Variants in RADX observed in about 807,000 individuals in gnomAD.
RADX encodes RPA-related protein RADX.
A neutral mutation model predicts 61.6 loss-of-function variants in RADX; 36 were observed. The observed-to-expected ratio is 0.58, with a 90% confidence interval of 0.45 to 0.77. The LOEUF is 0.77. Ranked by LOEUF, RADX falls within the 30% of genes least tolerant of loss-of-function variation. RADX has a pLI of 0.00. For missense variants in RADX, 497 were observed against 651.1 expected (o/e 0.76, Z 2.58); for synonymous variants, 272 against 237.9 (o/e 1.14, Z -1.32).
intron 9 of RADX, chrX:106,640,342 G>T: frequency 3.2e-6 from 1 of 316,172 alleles, no homozygotes. Flanking sequence ...TCAGATAGTA[G>T]TATAAGAAGG....
intron 3 of RADX, among the ~76,000 whole-genome samples, chrX:106,631,803 AAGAAAGAAAG>A (rs1223223564): frequency 5.6e-5 from 6 of 107,761 alleles, no homozygotes; most frequent in Non-Finnish European, 9.6e-5. Context: ...AGAAAGAAAG[AAGAAAGAAAG>A]AGAAAGAAAG....
intron 1 of RADX, among the ~76,000 whole-genome samples, chrX:106,617,191 A>G (rs919842814): frequency 1.5e-4 from 16 of 107,740 alleles, no homozygotes; most frequent in Middle Eastern, 9.3e-3. Flanking sequence ...ACACCTGGCT[A>G]ACTTTTGTAT....
At chrX:106,613,786 G>T (rs770619906) in intron 1 of RADX, among the ~76,000 whole-genome samples, 39 of 111,841 alleles carry the variant, frequency 3.5e-4, no homozygotes, top group African/African-American at 1.2e-3. Context: ...GCTATTTCAG[G>T]GATGAAAAAA....
At chrX:106,649,093 G>C (rs1927733652) in intron 11 of RADX, among the ~76,000 whole-genome samples, 2 of 110,974 alleles carry the variant, frequency 1.8e-5, no homozygotes, top group African/African-American at 6.5e-5. Flanking sequence ...AGAAACATCT[G>C]TCCTTACCTA....
At chrX:106,641,544 G>C (rs1165065268) in intron 10 of RADX, among the ~76,000 whole-genome samples, 2 of 111,600 alleles carry the variant, frequency 1.8e-5, no homozygotes, top group East Asian at 5.7e-4. Flanking sequence ...TTCTGAAAGA[G>C]AGAAATTGGA....
intron 10 of RADX, among the ~76,000 whole-genome samples, chrX:106,646,510 A>G (rs1256438887): frequency 9.0e-6 from 1 of 111,614 alleles, no homozygotes; most frequent in Non-Finnish European, 1.9e-5. Context: ...TTAAACCTGT[A>G]ATTTCAATAT....
intron 2 of RADX, among the ~76,000 whole-genome samples, chrX:106,624,239 G>C (rs1187508601): frequency 9.0e-6 from 1 of 111,311 alleles, no homozygotes; most frequent in Non-Finnish European, 1.9e-5. Context: ...CTAGTCACTG[G>C]GAGAATCAAC....
rs1293172538 is a variant in RADX, at chrX:106,636,526, G to T, written c.1304-17G>T. The T allele has an allele frequency of 2.0e-6, 2 of 997,919 alleles. No homozygotes were observed. Among genetic ancestry groups the T allele is most frequent in the Non-Finnish European group, 2.8e-6 (2 of 709,321 alleles). 82.2% of individuals were successfully genotyped at this position (997,919 alleles called of 1,213,427 possible). On this transcript the variant is annotated splice_polypyrimidine_tract_variant and intron_variant, in intron 6 of 13. Coordinates refer to ENST00000372548, the MANE Select transcript of RADX (RefSeq NM_018015.6). The stretch of plus-strand genomic sequence containing the variant: ...TTGAAATGGAAAAGTAATTTCATAA[G>T]TGTTTTTGTTCTCTAGTGGCATATT...
At position 106,617,779 on chromosome X, in the gene RADX, C is replaced by T. The variant is rs1330853578; in HGVS notation, c.644-4872C>T. ...AGTCAGAAAAATAACTTAAGTGCTT[C>T]CTTACTCTAAGAATTCACAAATAAT... On this transcript the variant is annotated intron_variant, in intron 1 of 13. Transcript: ENST00000372548. Among the ~76,000 whole-genome samples the T allele has an allele frequency of 4.5e-5, 5 of 111,398 alleles. No individual in the cohort carries two copies. In the East Asian group the frequency reaches 1.4e-3, roughly 31 times the overall value.
chrX:106,633,024 G>A lies in RADX; in HGVS notation c.1180+1G>A, dbSNP rs774652094. On this transcript the variant is annotated splice_donor_variant, in intron 5 of 13. Coordinates refer to ENST00000372548, the MANE Select transcript of RADX (RefSeq NM_018015.6). LOFTEE classifies it high-confidence loss of function. ...AGGGTCCAGCGGTCAAAAAAGAAAGGTAAGCTTTTAAAATTGAAAATCATA... is the reference window on the plus strand; with the variant it reads ...AGGGTCCAGCGGTCAAAAAAGAAAGATAAGCTTTTAAAATTGAAAATCATA... 2 of 1,200,375 alleles carry A rather than the reference G, an allele frequency of 1.7e-6. No individual in the cohort carries two copies. The highest frequency in any genetic ancestry group is 3.5e-5 in the African/African-American group (2 of 57,007).
In RADX at chrX:106,622,726, G is replaced by A; in HGVS notation, c.719G>A (p.Arg240Lys). 8.3e-7 allele frequency: 1 copy of A among 1,200,308 alleles called. No individual in the cohort carries two copies. Among genetic ancestry groups the A allele is most frequent in the Non-Finnish European group, 1.1e-6 (1 of 890,050 alleles). Residue 240 changes from arginine to lysine, a missense_variant, in exon 2 of 14, where the codon AGG becomes AAG. Physicochemically the swap from Arg to Lys is conservative, Grantham distance 26. This residue lies in a region of RADX where 196 missense variants were observed against 315.0 expected (regional missense o/e 0.62). Transcript: ENST00000372548. ...AGAAATTTTCCTGCATTGCTTGTGAGGATCTTACATAAATCAAAACTGCGA... is the reference window on the plus strand; with the variant it reads ...AGAAATTTTCCTGCATTGCTTGTGAAGATCTTACATAAATCAAAACTGCGA... ...NRRNFPALLVRILHKSKLRYY... is the reference protein window; with the variant it reads ...NRRNFPALLVKILHKSKLRYY...
At chrX:106,668,794 T>C (rs887797138) in intron 12 of RADX, among the ~76,000 whole-genome samples, 1 of 111,780 alleles carries the variant, frequency 8.9e-6, no homozygotes, top group Non-Finnish European at 1.9e-5. Flanking sequence ...AGGGAACGAA[T>C]AGTCATCTCC....
At chrX:106,669,648 C>T (rs1030605951) in intron 13 of RADX, among the ~76,000 whole-genome samples, 3 of 111,677 alleles carry the variant, frequency 2.7e-5, no homozygotes, top group Non-Finnish European at 5.6e-5. Flanking sequence ...TCCTTTTTCT[C>T]AGGCGACACA....
At position 106,620,964 on chromosome X, in the gene RADX, A is replaced by G. The variant is rs1443396280; in HGVS notation, c.644-1687A>G. On this transcript the variant is annotated intron_variant, in intron 1 of 13. Transcript: ENST00000372548. ...ACTGGGAAAAATGTTAACCAGAAAGATGTCTGATTACAGCTAACTCTCTGG... is the reference window on the plus strand; with the variant it reads ...ACTGGGAAAAATGTTAACCAGAAAGGTGTCTGATTACAGCTAACTCTCTGG... Among the ~76,000 whole-genome samples, 4 of 112,005 alleles carry G rather than the reference A, an allele frequency of 3.6e-5. No individual in the cohort carries two copies. In the Admixed American group the frequency reaches 3.8e-4, roughly 11 times the overall value.
At chrX:106,623,456 T>C (rs1312530788) in intron 2 of RADX, among the ~76,000 whole-genome samples, 1 of 111,928 alleles carries the variant, frequency 8.9e-6, no homozygotes, top group African/African-American at 3.2e-5. Flanking sequence ...CATTAAACTT[T>C]TATTATGAAA....
At chrX:106,659,479 A>T (rs1368372377) in intron 11 of RADX, among the ~76,000 whole-genome samples, 5 of 112,253 alleles carry the variant, frequency 4.5e-5, no homozygotes, top group Non-Finnish European at 7.5e-5. Flanking sequence ...TGAAAATTAT[A>T]ATTGTAAAAT....
intron 1 of RADX, among the ~76,000 whole-genome samples, chrX:106,618,559 G>C (rs1165321905): frequency 9.0e-6 from 1 of 111,047 alleles, no homozygotes; most frequent in Non-Finnish European, 1.9e-5. Flanking sequence ...CGGATTGCTT[G>C]AGTTCAGAGT....
intron 10 of RADX, among the ~76,000 whole-genome samples, chrX:106,642,496 G>T (rs913421551): frequency 1.6e-4 from 18 of 111,716 alleles, no homozygotes; most frequent in African/African-American, 5.5e-4. Context: ...AAATAGGTGA[G>T]AACATGGAAT....
intron 11 of RADX, among the ~76,000 whole-genome samples, chrX:106,650,256 A>G (rs1365736025): frequency 1.8e-5 from 2 of 111,053 alleles, no homozygotes; most frequent in Non-Finnish European, 3.8e-5. Context: ...TGCAGTTCAC[A>G]TGATTAAAAT....
Sources: allele counts gnomAD v4.1 joint callset (sites outside exome capture counted in the v4.1 genomes callset), GRCh38; gene constraint gnomAD v4.1.1; regional missense constraint gnomAD v4.1.1; transcripts MANE v1.5; gene names NCBI Gene and HGNC (gene_info 2026-07-23, HGNC 2026-07-21).